The following LRRC4C variants were observed in gnomAD, a reference collection of about 807,000 sequenced individuals.
LRRC4C encodes leucine-rich repeat-containing protein 4C.
In LRRC4C, 5 loss-of-function variants were observed where a neutral mutation model predicts 33.6. That is an observed-to-expected ratio of 0.15 (90% CI 0.08 to 0.31). LRRC4C has a LOEUF of 0.31. Ranked by LOEUF, LRRC4C falls within the 10% of genes least tolerant of loss-of-function variation. The pLI is 1.00. For missense variants in LRRC4C, 560 were observed against 796.7 expected (o/e 0.70, Z 3.58); for synonymous variants, 329 against 302.0 (o/e 1.09, Z -0.93).
At chr11:41,420,589 T>C (rs1954842300) in intron 1 of LRRC4C, among the ~76,000 whole-genome samples, 1 of 152,062 alleles carries the variant, frequency 6.6e-6, no homozygotes, top group Admixed American at 6.6e-5. Flanking sequence ...TTGGTGCTTT[T>C]TGTCCTACGA....
chr11:41,210,204 T>C (rs1946764535), intron 1 of LRRC4C, among the ~76,000 whole-genome samples: 1 of 152,148 alleles, frequency 6.6e-6, no homozygotes, highest in African/African-American at 2.4e-5. Flanking sequence ...ATAGTACCAT[T>C]ATAACTGATA....
At chr11:40,871,780 C>G (rs7946746) in intron 2 of LRRC4C, among the ~76,000 whole-genome samples, 1 of 152,092 alleles carries the variant, frequency 6.6e-6, no homozygotes, top group Non-Finnish European at 1.5e-5. Context: ...ACACGCTGTA[C>G]TTTTCCTCTC....
intron 2 of LRRC4C, among the ~76,000 whole-genome samples, chr11:40,817,851 T>C (rs1038743498): frequency 3.9e-5 from 6 of 152,166 alleles, no homozygotes; most frequent in African/African-American, 1.4e-4. Flanking sequence ...ACAATACTTA[T>C]AAAGCTTCCT....
intron 3 of LRRC4C, among the ~76,000 whole-genome samples, chr11:40,481,557 A>T (rs1440955775): frequency 6.6e-6 from 1 of 152,176 alleles, no homozygotes. Context: ...TGAGTGCTCA[A>T]AAAAGACCAG....
chr11:41,218,443 G>A (rs777164812), intron 1 of LRRC4C, among the ~76,000 whole-genome samples: 8 of 152,196 alleles, frequency 5.3e-5, no homozygotes, highest in Non-Finnish European at 8.8e-5. Flanking sequence ...CAGCACACCT[G>A]TGATGCACTC....
intron 1 of LRRC4C, among the ~76,000 whole-genome samples, chr11:40,977,148 C>T (rs1852144474): frequency 6.6e-6 from 1 of 152,014 alleles, no homozygotes; most frequent in African/African-American, 2.4e-5. Context: ...CCTAATGCCA[C>T]CACTGATCTG....
intron 3 of LRRC4C, among the ~76,000 whole-genome samples, chr11:40,442,162 C>CAAAAAAAAA (rs1158464665): frequency 1.8e-5 from 1 of 56,190 alleles, no homozygotes; most frequent in Non-Finnish European, 3.2e-5. Flanking sequence ...GACTCCATTT[C>CAAAAAAAAA]AAAAAAAAAA....
intron 1 of LRRC4C, among the ~76,000 whole-genome samples, chr11:41,079,371 T>C (rs77702378): frequency 0.02 from 3,117 of 152,186 alleles, 111 homozygotes; most frequent in African/African-American, 0.071. Flanking sequence ...GTCCAGAGTA[T>C]GGGAAGAGAT....
chr11:41,173,611 A>G (rs1945071089), intron 1 of LRRC4C, among the ~76,000 whole-genome samples: 2 of 152,084 alleles, frequency 1.3e-5, no homozygotes, highest in South Asian at 2.1e-4. Flanking sequence ...CAAGTCGAAA[A>G]TCATTTTGGA....
intron 5 of LRRC4C, among the ~76,000 whole-genome samples, chr11:40,181,520 C>T (rs767210808): frequency 5.9e-5 from 9 of 152,142 alleles, no homozygotes; most frequent in Non-Finnish European, 1.0e-4. Context: ...CATTCACATT[C>T]AATATAGGCA....
At chr11:40,782,586 A>C (rs2137288668) in intron 2 of LRRC4C, among the ~76,000 whole-genome samples, 1 of 152,258 alleles carries the variant, frequency 6.6e-6, no homozygotes, top group East Asian at 1.9e-4. Context: ...ATTGTAATTA[A>C]GAATTGGTAC....
intron 5 of LRRC4C, among the ~76,000 whole-genome samples, chr11:40,172,276 C>T (rs370707536): frequency 6.6e-6 from 1 of 152,116 alleles, no homozygotes; most frequent in East Asian, 1.9e-4. Context: ...CACAAATGGA[C>T]TAAGACATAC....
chr11:40,948,434 G>A (rs1254650754), intron 1 of LRRC4C, among the ~76,000 whole-genome samples: 1 of 151,036 alleles, frequency 6.6e-6, no homozygotes, highest in East Asian at 2.0e-4. Flanking sequence ...AGTTACATAT[G>A]TATACATGTG....
chr11:40,794,040 C>A (rs374141067), intron 2 of LRRC4C, among the ~76,000 whole-genome samples: 2 of 151,916 alleles, frequency 1.3e-5, no homozygotes, highest in South Asian at 2.1e-4. Context: ...GCTTCTTTTT[C>A]TTTGTGAGAT....
intron 1 of LRRC4C, among the ~76,000 whole-genome samples, chr11:40,956,325 G>A (rs1448335867): frequency 2.6e-5 from 4 of 151,750 alleles, no homozygotes; most frequent in African/African-American, 7.3e-5. Context: ...TAAATTACGA[G>A]CAAACATTCT....
intron 3 of LRRC4C, among the ~76,000 whole-genome samples, chr11:40,479,399 G>A (rs1037986643): frequency 2.6e-5 from 4 of 152,118 alleles, no homozygotes; most frequent in Non-Finnish European, 5.9e-5. Context: ...CTGTCCTTCT[G>A]GAGCTTATGT....
At chr11:41,327,300 GA>G (rs944862808) in intron 1 of LRRC4C, among the ~76,000 whole-genome samples, 4 of 152,156 alleles carry the variant, frequency 2.6e-5, no homozygotes, top group African/African-American at 9.7e-5. Flanking sequence ...GTGAGCCTTG[GA>G]GGAGCAGCCA....
intron 2 of LRRC4C, among the ~76,000 whole-genome samples, chr11:40,915,569 G>A (rs1204347323): frequency 6.6e-6 from 1 of 152,158 alleles, no homozygotes; most frequent in African/African-American, 2.4e-5. Context: ...AGACTTAAAT[G>A]TTAGACCTAA....
chr11:41,121,950 T>C (rs1193037976), intron 1 of LRRC4C, among the ~76,000 whole-genome samples: 3 of 151,696 alleles, frequency 2.0e-5, no homozygotes, highest in South Asian at 2.1e-4. Flanking sequence ...AAATCTCATC[T>C]AGAAAAATCC....
Sources: gnomAD v4.1 joint callset for allele counts (sites outside exome capture counted in the v4.1 genomes callset) on GRCh38, gnomAD v4.1.1 for gene constraint, MANE v1.5 for transcripts, NCBI Gene and HGNC (gene_info 2026-07-23, HGNC 2026-07-21) for gene names.